The following ITPK1 variants were observed in gnomAD, a reference collection of about 807,000 sequenced individuals.
The protein encoded by ITPK1 is inositol-tetrakisphosphate 1-kinase, also known as inositol 1,3,4-trisphosphate 5/6-kinase.
A neutral mutation model predicts 45.3 loss-of-function variants in ITPK1; 21 were observed. The ratio of observed to expected loss-of-function variants is 0.46; its 90% CI spans 0.33 to 0.67. The LOEUF is 0.67. Among genes scored for constraint, ITPK1 ranks in the 30% least tolerant of loss-of-function variants. ITPK1 has a pLI of 0.02. For missense variants in ITPK1, 474 were observed against 573.5 expected (o/e 0.83, Z 1.77); for synonymous variants, 258 against 253.6 (o/e 1.02, Z -0.16).
chr14:92,990,353 G>C (rs1191738955), intron 5 of ITPK1, among the ~76,000 whole-genome samples: 1 of 151,480 alleles, frequency 6.6e-6, no homozygotes. Context: ...CCCAGGACCA[G>C]ATGGGCAGAC....
At chr14:92,957,593 C>G (rs775615233) in intron 8 of ITPK1, among the ~76,000 whole-genome samples, 2 of 152,188 alleles carry the variant, frequency 1.3e-5, no homozygotes, top group Non-Finnish European at 2.9e-5. Context: ...AGAGAACGCC[C>G]TATGTGACAC....
chr14:93,084,833 C>A (rs761935520), intron 2 of ITPK1, among the ~76,000 whole-genome samples: 1 of 152,226 alleles, frequency 6.6e-6, no homozygotes, highest in Non-Finnish European at 1.5e-5. Flanking sequence ...CTGCCAGGCA[C>A]CCTTCCTCAG....
chr14:93,105,702 GT>G (rs376342112), intron 2 of ITPK1, among the ~76,000 whole-genome samples: 20,867 of 127,650 alleles, frequency 0.16, 1,229 homozygotes, highest in South Asian at 0.25. Flanking sequence ...TTTTTGTGGG[GT>G]TTTTTTTTTT....
chr14:93,008,724 G>A (rs575250318), intron 4 of ITPK1, among the ~76,000 whole-genome samples: 7 of 152,308 alleles, frequency 4.6e-5, no homozygotes, highest in South Asian at 2.1e-4. Flanking sequence ...GCTTTATCAC[G>A]GGCACACAGC....
intron 2 of ITPK1, among the ~76,000 whole-genome samples, chr14:93,100,018 T>C (rs570041398): frequency 1.1e-4 from 16 of 152,258 alleles, no homozygotes; most frequent in African/African-American, 3.9e-4. Flanking sequence ...GCACGTCCAC[T>C]CCCACCTCAG....
intron 5 of ITPK1, among the ~76,000 whole-genome samples, chr14:92,967,840 A>G (rs552315205): frequency 1.6e-4 from 24 of 152,322 alleles, no homozygotes; most frequent in Non-Finnish European, 2.9e-4. Context: ...ATTTATCTGA[A>G]ATGTCCAGAA....
intron 3 of ITPK1, among the ~76,000 whole-genome samples, chr14:93,044,013 G>T (rs1201308834): frequency 2.6e-5 from 4 of 152,184 alleles, no homozygotes; most frequent in Non-Finnish European, 5.9e-5. Flanking sequence ...CTTGTGGATG[G>T]CTAGGCTCTA....
chr14:93,024,652 G>A (rs1888642649), intron 3 of ITPK1, among the ~76,000 whole-genome samples: 1 of 152,208 alleles, frequency 6.6e-6, no homozygotes, highest in Admixed American at 6.5e-5. Context: ...TTATATTCCA[G>A]GTGCTGCAGT....
chr14:93,111,859 G>T (rs1348775844), intron 2 of ITPK1, among the ~76,000 whole-genome samples: 1 of 152,088 alleles, frequency 6.6e-6, no homozygotes, highest in Non-Finnish European at 1.5e-5. Flanking sequence ...GATGGCAACA[G>T]GAACAAACAG....
chr14:93,093,108 C>T (rs577620321), intron 2 of ITPK1, among the ~76,000 whole-genome samples: 2 of 152,324 alleles, frequency 1.3e-5, no homozygotes, highest in South Asian at 2.1e-4. Flanking sequence ...AAGCAGGATG[C>T]CGTTCTGTGA....
intron 3 of ITPK1, among the ~76,000 whole-genome samples, chr14:93,049,591 A>T (rs1201661080): frequency 1.3e-5 from 2 of 152,044 alleles, no homozygotes; most frequent in Non-Finnish European, 2.9e-5. Flanking sequence ...GAAAGGTTAG[A>T]TCAGTGGAGT....
At chr14:92,989,419 C>G (rs1416430208) in intron 5 of ITPK1, among the ~76,000 whole-genome samples, 1 of 152,110 alleles carries the variant, frequency 6.6e-6, no homozygotes, top group Non-Finnish European at 1.5e-5. Flanking sequence ...GCCCAATGGT[C>G]TGAGACCTGC....
In ITPK1 at chr14:93,076,907, C is replaced by T. The variant is rs1002961024; in HGVS notation, c.96-288G>A. On this transcript the variant is annotated intron_variant, in intron 2 of 10. Transcript: ENST00000267615. The surrounding 1 kb of genome is among the most constrained non-coding windows in gnomAD (Gnocchi z 4.3). ...CACTCCTGGGCCGGGCCTCTGTCAG[C>T]CGAGCTCCAGCCTGGGTCGTCCCAA... is the stretch of plus-strand genomic sequence containing the variant. Among the ~76,000 whole-genome samples the T allele has an allele frequency of 6.6e-6, 1 of 152,154 alleles. No homozygotes were observed. Among genetic ancestry groups the T allele is most frequent in the African/African-American group, 2.4e-5 (1 of 41,420 alleles).
intron 3 of ITPK1, among the ~76,000 whole-genome samples, chr14:93,027,385 G>A (rs948068489): frequency 1.3e-5 from 2 of 152,154 alleles, no homozygotes; most frequent in African/African-American, 4.8e-5. Context: ...GCACCTCTGT[G>A]CACCCAGCCC....
At chr14:93,089,653 T>G (rs1338808900) in intron 2 of ITPK1, among the ~76,000 whole-genome samples, 1 of 152,120 alleles carries the variant, frequency 6.6e-6, no homozygotes, top group African/African-American at 2.4e-5. Context: ...GAGAATGGTA[T>G]GTCAGCTGGG....
rs1887987064 is a variant in ITPK1, at chr14:93,012,939, G to T, written c.246+3737C>A. 6.6e-6 allele frequency among the ~76,000 whole-genome samples: 1 copy of T among 152,206 alleles called. No homozygotes were observed. The highest frequency in any genetic ancestry group is 2.1e-4 in the South Asian group (1 of 4,836). ...GAAGGGGCAGCAGAAGAGGACGGTG[G>T]GCCCCTCCCTTCCCACCCTGCACCC... On this transcript the variant is annotated intron_variant, in intron 4 of 10. Transcript: ENST00000267615. The surrounding 1 kb of genome is among the most constrained non-coding windows in gnomAD (Gnocchi z 4.9).
At chr14:93,027,176 C>T (rs544223595) in intron 3 of ITPK1, among the ~76,000 whole-genome samples, 3 of 152,268 alleles carry the variant, frequency 2.0e-5, no homozygotes, top group South Asian at 2.1e-4. Flanking sequence ...GGGAGAGGAC[C>T]AGGGGGCTTG....
At chr14:93,054,556 G>C (rs561051518) in intron 3 of ITPK1, among the ~76,000 whole-genome samples, 37 of 152,286 alleles carry the variant, frequency 2.4e-4, no homozygotes, top group Non-Finnish European at 4.7e-4. Flanking sequence ...ACTGGGCCAG[G>C]GGGTACAGAA....
chr14:93,003,435 A>C (rs1256842535), intron 4 of ITPK1, among the ~76,000 whole-genome samples: 1 of 152,218 alleles, frequency 6.6e-6, no homozygotes, highest in African/African-American at 2.4e-5. Context: ...ATTACAGCTT[A>C]CAGAAAACCA....
Sources: gnomAD v4.1 joint callset for allele counts (sites outside exome capture counted in the v4.1 genomes callset) on GRCh38, gnomAD v4.1.1 for gene constraint, Gnocchi (gnomAD v3.1) non-coding constraint, MANE v1.5 for transcripts, NCBI Gene and HGNC (gene_info 2026-07-23, HGNC 2026-07-21) for gene names.